CNTNAP4: variants seen among roughly 807,000 people sequenced by gnomAD.
CNTNAP4 encodes the protein contactin-associated protein-like 4.
A neutral mutation model predicts 148.4 loss-of-function variants in CNTNAP4; 98 were observed. That is an observed-to-expected ratio of 0.66 (90% CI 0.56 to 0.78). The LOEUF is 0.78. CNTNAP4 is among the 30% of genes least tolerant of loss of function. The pLI is 0.00. For missense variants in CNTNAP4, 1,935 were observed against 1,565.6 expected (o/e 1.24, Z -3.98); for synonymous variants, 730 against 565.1 (o/e 1.29, Z -4.14).
At position 76,302,452 on chromosome 16, in the gene CNTNAP4, G is replaced by A. The variant is rs531530316; in HGVS notation, c.86-13961G>A. On this transcript the variant is annotated intron_variant, in intron 1 of 23. Transcript: ENST00000611870. ...TTTCGGGTCCTAGAGGCTGTCCATCGTTTCTTGACAGGTGACCCTTTCTAT... is the reference window on the plus strand; with the variant it reads ...TTTCGGGTCCTAGAGGCTGTCCATCATTTCTTGACAGGTGACCCTTTCTAT... 6.4e-4 allele frequency among the ~76,000 whole-genome samples: 97 copies of A among 152,106 alleles called. 2 individuals carry two copies. The South Asian group carries it at 0.016, about 25-fold the overall frequency.
chr16:76,380,386 T>C (rs985750380), intron 3 of CNTNAP4, among the ~76,000 whole-genome samples: 2 of 152,208 alleles, frequency 1.3e-5, no homozygotes, highest in East Asian at 1.9e-4. Flanking sequence ...CTCAGTCTCA[T>C]TGATAAAAAT....
At position 76,426,948 on chromosome 16, in the gene CNTNAP4, A is replaced by T. The variant is rs935489221; in HGVS notation, c.391-504A>T. Among the ~76,000 whole-genome samples, 3 of 152,208 alleles carry T rather than the reference A, an allele frequency of 2.0e-5. No individual in the cohort carries two copies. In the South Asian group the frequency reaches 6.2e-4, roughly 32 times the overall value. ...CAACCTGTTAGCTGAGTGTAGCTCC[A>T]ACTTGAATGTTGCGTGGTACTTTTC... On this transcript the variant is annotated intron_variant, in intron 3 of 23. Coordinates refer to ENST00000611870, the MANE Select transcript of CNTNAP4 (RefSeq NM_033401.5).
intron 21 of CNTNAP4, among the ~76,000 whole-genome samples, chr16:76,548,552 G>C (rs369409176): frequency 9.9e-5 from 15 of 151,612 alleles, no homozygotes; most frequent in African/African-American, 3.1e-4. Context: ...CTAATTTCTC[G>C]GTACTCCATT....
At chr16:76,384,607 A>G (rs2016328507) in intron 3 of CNTNAP4, among the ~76,000 whole-genome samples, 1 of 152,076 alleles carries the variant, frequency 6.6e-6, no homozygotes, top group Non-Finnish European at 1.5e-5. Context: ...GAGTTGATTA[A>G]TCTCCTTGGT....
chr16:76,399,021 T>C (rs1272353244), intron 3 of CNTNAP4, among the ~76,000 whole-genome samples: 2 of 152,090 alleles, frequency 1.3e-5, no homozygotes, highest in South Asian at 4.1e-4. Flanking sequence ...TCACCGGATC[T>C]GATAGTTTTA....
rs755924761 is a variant in CNTNAP4, at chr16:76,553,470, C to T, written c.3630C>T (p.Ala1210=). The T allele has an allele frequency of 3.1e-6, 5 of 1,612,144 alleles. No homozygotes were observed. Among genetic ancestry groups the T allele is most frequent in the Non-Finnish European group, 4.2e-6 (5 of 1,179,100 alleles). Residue 1210 remains alanine (A), a synonymous_variant, in exon 22 of 24, where the codon GCC becomes GCT. Transcript: ENST00000611870. The part of the protein sequence containing the change: ...SSCMAQPGTD[A]TSRERTHSFA... Reference sequence around the variant, plus strand: ...GTATGGCCCAGCCTGGCACTGATGCCACATCAAGGGAAAGGACACACTCGT... The same window carrying T: ...GTATGGCCCAGCCTGGCACTGATGCTACATCAAGGGAAAGGACACACTCGT...
chr16:76,359,168 G>T (rs531447052), intron 3 of CNTNAP4, among the ~76,000 whole-genome samples: 1 of 152,036 alleles, frequency 6.6e-6, no homozygotes, highest in African/African-American at 2.4e-5. Context: ...TTACAAATGT[G>T]TATTTCCCAA....
At chr16:76,481,388 A>T (rs2081820990) in intron 12 of CNTNAP4, among the ~76,000 whole-genome samples, 1 of 152,204 alleles carries the variant, frequency 6.6e-6, no homozygotes, top group Non-Finnish European at 1.5e-5. Context: ...CTAAAATAGG[A>T]TTAAATAACA....
chr16:76,533,588 T>C (rs1214343738), intron 17 of CNTNAP4, among the ~76,000 whole-genome samples: 1 of 152,090 alleles, frequency 6.6e-6, no homozygotes, highest in Non-Finnish European at 1.5e-5. Flanking sequence ...ACCCCATAAA[T>C]ATGAACAATT....
chr16:76,316,367 G>T, intron 1 of CNTNAP4, 46 bp from the exon 2 acceptor site: 1 of 1,250,004 alleles, frequency 8.0e-7, no homozygotes, highest in South Asian at 1.2e-5. Context: ...TTCCACGAAA[G>T]CCTCAGCACT....
At chr16:76,428,620 C>T (rs1278595811) in intron 4 of CNTNAP4, among the ~76,000 whole-genome samples, 17 of 152,074 alleles carry the variant, frequency 1.1e-4, no homozygotes, top group Non-Finnish European at 4.4e-5. Flanking sequence ...GCATGGTTTG[C>T]GTGGGTACTC....
intron 17 of CNTNAP4, among the ~76,000 whole-genome samples, chr16:76,522,716 C>G: frequency 3.4e-5 from 1 of 29,698 alleles, no homozygotes; most frequent in South Asian, 1.2e-3. Flanking sequence ...CTTTTCTTTT[C>G]TTTTCTTTTC....
intron 4 of CNTNAP4, chr16:76,432,663 A>G (rs1237746339): frequency 2.6e-5 from 4 of 152,340 alleles, no homozygotes; most frequent in South Asian, 2.1e-4. Context: ...TATATCTGCA[A>G]TGTCCTTAGG....
chr16:76,322,721 C>G (rs1481932611), intron 2 of CNTNAP4, among the ~76,000 whole-genome samples: 1 of 152,142 alleles, frequency 6.6e-6, no homozygotes, highest in Non-Finnish European at 1.5e-5. Flanking sequence ...CCAGTTAACC[C>G]CATTTTAGCA....
intron 3 of CNTNAP4, among the ~76,000 whole-genome samples, chr16:76,379,340 G>A (rs12596467): frequency 0.16 from 24,653 of 152,054 alleles, 2,595 homozygotes; most frequent in East Asian, 0.45. Flanking sequence ...CCTACAATCT[G>A]GAGGTTAGGT....
At chr16:76,477,323 C>A (rs2081623108) in intron 11 of CNTNAP4, among the ~76,000 whole-genome samples, 1 of 152,128 alleles carries the variant, frequency 6.6e-6, no homozygotes, top group South Asian at 2.1e-4. Context: ...CATTTCCCCC[C>A]CATTTTTTCC....
chr16:76,412,835 G>GA (rs777862176), intron 3 of CNTNAP4, among the ~76,000 whole-genome samples: 70 of 151,432 alleles, frequency 4.6e-4, no homozygotes, highest in Admixed American at 2.0e-3. Context: ...TCATGGTTAA[G>GA]AAAATCGTTG....
intron 8 of CNTNAP4, among the ~76,000 whole-genome samples, chr16:76,456,168 A>G (rs2080723441): frequency 6.6e-6 from 1 of 152,194 alleles, no homozygotes; most frequent in Non-Finnish European, 1.5e-5. Flanking sequence ...CTGGAGTTAA[A>G]CAAGTTGAAT....
chr16:76,451,347 A>G (rs560114623), intron 7 of CNTNAP4, among the ~76,000 whole-genome samples: 1 of 152,282 alleles, frequency 6.6e-6, no homozygotes, highest in South Asian at 2.1e-4. Context: ...CCAGTTTGAT[A>G]ATAAAATACA....
Sources: allele counts gnomAD v4.1 joint callset (sites outside exome capture counted in the v4.1 genomes callset), GRCh38; gene constraint gnomAD v4.1.1; transcripts MANE v1.5; gene names NCBI Gene and HGNC (gene_info 2026-07-23, HGNC 2026-07-21).